The following TLK2 variants were observed in gnomAD, a reference collection of about 807,000 sequenced individuals.
TLK2 encodes tousled like kinase 2, also known as serine/threonine-protein kinase tousled-like 2.
TLK2 carries 6 observed loss-of-function variants against 117.3 expected under a neutral mutation model. The observed-to-expected ratio is 0.05, with a 90% CI of 0.03 to 0.10. The LOEUF is 0.10. TLK2 is among the 10% of genes least tolerant of loss of function. TLK2 has a pLI of 1.00. For missense variants in TLK2, 299 were observed against 901.2 expected, an observed-to-expected ratio of 0.33 and a Z score of 8.56; for synonymous variants, 257 against 316.7, an observed-to-expected ratio of 0.81 and a Z score of 2.00.
chr17:62,569,625 G>A (rs760516325), intron 11 of TLK2, among the ~76,000 whole-genome samples: 110 of 151,642 alleles, frequency 7.3e-4, no homozygotes, highest in Admixed American at 1.4e-3. Flanking sequence ...TAGTAGAGAC[G>A]AGGTTTCACC....
rs182548065 is a variant in TLK2, at chr17:62,559,263, C to G, written c.721-753C>G. On this transcript the variant is annotated intron_variant, in intron 9 of 21. Transcript: ENST00000346027. ...GTGAGGAACATTTATGCAAATTTATCTTTCTTAAATGCGACTAGAAAAAGA... is the reference window on the plus strand; with the variant it reads ...GTGAGGAACATTTATGCAAATTTATGTTTCTTAAATGCGACTAGAAAAAGA... 2.7e-5 allele frequency among the ~76,000 whole-genome samples: 4 copies of G among 150,608 alleles called. No individual in the cohort carries two copies. The East Asian group carries it at 7.9e-4, about 30-fold the overall frequency.
chr17:62,579,907 T>C (rs1242807912), intron 14 of TLK2, among the ~76,000 whole-genome samples: 1 of 152,250 alleles, frequency 6.6e-6, no homozygotes. Flanking sequence ...TGTGGCTCTA[T>C]AGCTGGTGCT....
At chr17:62,567,533 TTA>T (rs1288545474) in intron 11 of TLK2, among the ~76,000 whole-genome samples, 2 of 152,212 alleles carry the variant, frequency 1.3e-5, no homozygotes, top group African/African-American at 4.8e-5. Flanking sequence ...TGTCTATTAA[TTA>T]TAGGTATTTT....
chr17:62,495,461 C>G (rs1484147829), intron 2 of TLK2, among the ~76,000 whole-genome samples: 1 of 151,530 alleles, frequency 6.6e-6, no homozygotes, highest in Non-Finnish European at 1.5e-5. Flanking sequence ...GTCACCCAGG[C>G]TGGAGTGCAG....
intron 7 of TLK2, among the ~76,000 whole-genome samples, chr17:62,545,983 G>T (rs895095210): frequency 2.0e-5 from 3 of 152,126 alleles, no homozygotes; most frequent in Admixed American, 1.3e-4. Flanking sequence ...CCAGATTCAA[G>T]CAATTCTCCT....
At chr17:62,534,933 G>T (rs2077009557) in intron 6 of TLK2, among the ~76,000 whole-genome samples, 1 of 123,056 alleles carries the variant, frequency 8.1e-6, no homozygotes, top group South Asian at 2.9e-4. Flanking sequence ...CTGTTACCCA[G>T]GCTGGAGTGC....
At chr17:62,520,127 G>A (rs1598355369) in intron 2 of TLK2, among the ~76,000 whole-genome samples, 2 of 152,160 alleles carry the variant, frequency 1.3e-5, no homozygotes, top group South Asian at 4.1e-4. Flanking sequence ...AGGGTATGGG[G>A]CAGGTCAGCA....
chr17:62,507,601 C>T (rs1202395001), intron 2 of TLK2, among the ~76,000 whole-genome samples: 1 of 152,180 alleles, frequency 6.6e-6, no homozygotes, highest in Non-Finnish European at 1.5e-5. Flanking sequence ...CTTCTGTTCT[C>T]AGTCCCTTTT....
intron 7 of TLK2, among the ~76,000 whole-genome samples, chr17:62,548,627 C>T (rs191799990): frequency 5.1e-4 from 77 of 152,220 alleles, no homozygotes; most frequent in African/African-American, 1.8e-3. Flanking sequence ...CACTTTCTAA[C>T]ACCCTCAGTT....
intron 11 of TLK2, among the ~76,000 whole-genome samples, chr17:62,571,139 C>T (rs2080255186): frequency 6.6e-6 from 1 of 152,030 alleles, no homozygotes; most frequent in African/African-American, 2.4e-5. Context: ...GTGTCTCAAC[C>T]CAGATTTCTT....
chr17:62,522,667 C>T (rs769028163), intron 4 of TLK2, among the ~76,000 whole-genome samples: 4 of 152,136 alleles, frequency 2.6e-5, no homozygotes, highest in African/African-American at 7.2e-5. Context: ...ACTGTTCTTC[C>T]GTGGCAGTTG....
At chr17:62,574,892 G>A (rs1474143076) in intron 12 of TLK2, among the ~76,000 whole-genome samples, 1 of 152,022 alleles carries the variant, frequency 6.6e-6, no homozygotes, top group African/African-American at 2.4e-5. Context: ...AATGAGAAGA[G>A]GGGAAGAGTA....
chr17:62,476,849 A>C (rs1199042293), upstream of TLK2, among the ~76,000 whole-genome samples: 1 of 151,946 alleles, frequency 6.6e-6, no homozygotes, highest in African/African-American at 2.4e-5. Flanking sequence ...TGGGAGGCTG[A>C]GATGGGCGGA....
intron 4 of TLK2, among the ~76,000 whole-genome samples, 191 bp downstream of exon 4, chr17:62,522,464 C>A (rs2076108548): frequency 2.0e-5 from 3 of 152,188 alleles, no homozygotes; most frequent in Admixed American, 2.0e-4. Context: ...AGTGTTAGTT[C>A]TTCGGGGACT....
In TLK2 at chr17:62,522,185, CTT is replaced by C. The variant is rs757235566; in HGVS notation, c.154-18_154-17del. ...AAATTTACCAAAATGCTAATTGTGA[CTT>C]ATATGGTATTTGACAGACTCCCGAG... On this transcript the variant is annotated splice_polypyrimidine_tract_variant and intron_variant, in intron 3 of 21. Coordinates refer to ENST00000346027, the MANE Select transcript of TLK2 (RefSeq NM_006852.6). The C allele has an allele frequency of 3.1e-6, 5 of 1,609,308 alleles. No individual in the cohort carries two copies. The South Asian group carries it at 5.5e-5, about 18-fold the overall frequency.
At chr17:62,552,570 G>C (rs991657746) in intron 8 of TLK2, among the ~76,000 whole-genome samples, 173 bp downstream of exon 8, 1 of 151,656 alleles carries the variant, frequency 6.6e-6, no homozygotes, top group Non-Finnish European at 1.5e-5. Context: ...CCTTTGGAAG[G>C]TGCTTTAACT....
chr17:62,540,034 T>G (rs1254808547), intron 7 of TLK2, among the ~76,000 whole-genome samples: 1 of 150,634 alleles, frequency 6.6e-6, no homozygotes, highest in Non-Finnish European at 1.5e-5. Context: ...GCCTTTCTCC[T>G]CCTCCTCCTC....
chr17:62,551,349 A>C (rs118100544), intron 7 of TLK2, among the ~76,000 whole-genome samples: 1,741 of 152,312 alleles, frequency 0.011, 14 homozygotes, highest in Middle Eastern at 0.02. Context: ...AGAATATTGA[A>C]TATTTTCTAC....
chr17:62,532,979 C>A (rs1431767003), intron 6 of TLK2, among the ~76,000 whole-genome samples: 1 of 152,056 alleles, frequency 6.6e-6, no homozygotes, highest in African/African-American at 2.4e-5. Flanking sequence ...TAACCTTTGG[C>A]ATAAAGAAAA....
Sources: allele counts gnomAD v4.1 joint callset (sites outside exome capture counted in the v4.1 genomes callset), GRCh38; gene constraint gnomAD v4.1.1; transcripts MANE v1.5; gene names NCBI Gene and HGNC (gene_info 2026-07-23, HGNC 2026-07-21).